The following CNTNAP2 variants were observed in gnomAD, a reference collection of about 807,000 sequenced individuals.
CNTNAP2 encodes contactin-associated protein-like 2.
CNTNAP2 carries 98 observed loss-of-function variants against 155.2 expected under a neutral mutation model. The ratio of observed to expected loss-of-function variants is 0.63; its 90% CI spans 0.54 to 0.75. CNTNAP2 has a LOEUF of 0.75. Among genes scored for constraint, CNTNAP2 ranks in the 30% least tolerant of loss-of-function variants. The pLI is 0.00. For synonymous variants in CNTNAP2, 651 were observed against 631.2 expected, an observed-to-expected ratio of 1.03 and a Z score of -0.47; for missense variants, 1,727 against 1,688.1, an observed-to-expected ratio of 1.02 and a Z score of -0.40.
In CNTNAP2 at chr7:147,068,355, ATTTG is replaced by A. The variant is rs547148845; in HGVS notation, c.550+24313_550+24316del. On this transcript the variant is annotated intron_variant, in intron 4 of 23. Coordinates refer to ENST00000361727, the MANE Select transcript of CNTNAP2 (RefSeq NM_014141.6). ...CATAATAAATTGACTTTATTTATTT[ATTTG>A]TTTGTTTGTTTTTTCCAAGACATAG... 1.4e-3 allele frequency among the ~76,000 whole-genome samples: 219 copies of A among 152,094 alleles called. 2 individuals are homozygous for A. In the Middle Eastern group the frequency reaches 0.021, roughly 14 times the overall value.
intron 11 of CNTNAP2, among the ~76,000 whole-genome samples, chr7:147,526,148 C>A (rs1179049060): frequency 6.6e-6 from 1 of 150,678 alleles, no homozygotes; most frequent in Non-Finnish European, 1.5e-5. Flanking sequence ...GCCGAGATCA[C>A]CCCACTGCAC....
chr7:146,977,470 A>G (rs1226336358), intron 3 of CNTNAP2, among the ~76,000 whole-genome samples: 2 of 152,218 alleles, frequency 1.3e-5, no homozygotes, highest in East Asian at 3.9e-4. Flanking sequence ...GAAGACTCTC[A>G]GGAGGAGTCT....
chr7:147,746,822 C>T (rs944946164), intron 13 of CNTNAP2, among the ~76,000 whole-genome samples: 3 of 152,178 alleles, frequency 2.0e-5, no homozygotes, highest in Non-Finnish European at 4.4e-5. Context: ...AGTTTTACCA[C>T]ACTCTCTGAG....
intron 1 of CNTNAP2, among the ~76,000 whole-genome samples, chr7:146,740,335 T>A (rs968885028): frequency 6.6e-6 from 1 of 151,946 alleles, no homozygotes; most frequent in Non-Finnish European, 1.5e-5. Flanking sequence ...CTCATTTTTT[T>A]ACTTATTATT....
At chr7:148,352,763 C>G (rs1165698855) in intron 21 of CNTNAP2, among the ~76,000 whole-genome samples, 1 of 152,152 alleles carries the variant, frequency 6.6e-6, no homozygotes, top group Admixed American at 6.5e-5. Flanking sequence ...AGAATCAAGG[C>G]AGGAAGCCAG....
chr7:146,290,687 C>T (rs939421002), intron 1 of CNTNAP2, among the ~76,000 whole-genome samples: 11 of 152,076 alleles, frequency 7.2e-5, no homozygotes, highest in Non-Finnish European at 1.3e-4. Flanking sequence ...AAAACTAGAT[C>T]GAAACTGTTT....
intron 3 of CNTNAP2, among the ~76,000 whole-genome samples, chr7:147,030,129 G>A (rs761346289): frequency 1.3e-5 from 2 of 152,188 alleles, no homozygotes; most frequent in Non-Finnish European, 2.9e-5. Flanking sequence ...ATATCTATCT[G>A]CATCAAAAGT....
chr7:146,525,397 T>A (rs1797673627), intron 1 of CNTNAP2, among the ~76,000 whole-genome samples: 1 of 152,172 alleles, frequency 6.6e-6, no homozygotes, highest in Non-Finnish European at 1.5e-5. Context: ...GGGTTTCTAA[T>A]CATAATTCAA....
intron 13 of CNTNAP2, among the ~76,000 whole-genome samples, chr7:147,763,267 A>C (rs1308921107): frequency 8.3e-6 from 1 of 119,994 alleles, no homozygotes; most frequent in Non-Finnish European, 1.6e-5. Flanking sequence ...TCAAAAAAAA[A>C]AAAAGAAAAA....
intron 15 of CNTNAP2, among the ~76,000 whole-genome samples, chr7:148,108,675 G>A (rs1052159428): frequency 6.6e-6 from 1 of 152,138 alleles, no homozygotes; most frequent in Non-Finnish European, 1.5e-5. Flanking sequence ...AGAGGAAGAT[G>A]GTGGGTACAG....
At chr7:147,411,485 A>T (rs886280102) in intron 10 of CNTNAP2, among the ~76,000 whole-genome samples, 1 of 152,200 alleles carries the variant, frequency 6.6e-6, no homozygotes, top group East Asian at 1.9e-4. Flanking sequence ...CTGCACATGT[A>T]AGATGTCTGA....
At chr7:146,397,133 C>T (rs1412952659) in intron 1 of CNTNAP2, among the ~76,000 whole-genome samples, 1 of 152,164 alleles carries the variant, frequency 6.6e-6, no homozygotes, top group African/African-American at 2.4e-5. Context: ...AGGCTTTATG[C>T]TATCTGAAAA....
chr7:146,723,788 T>A (rs1419405861), intron 1 of CNTNAP2, among the ~76,000 whole-genome samples: 1 of 152,204 alleles, frequency 6.6e-6, no homozygotes, highest in Admixed American at 6.5e-5. Flanking sequence ...CTCTATGAAA[T>A]AATAACCAGG....
At chr7:146,914,073 A>T (rs1172319669) in intron 3 of CNTNAP2, among the ~76,000 whole-genome samples, 1 of 152,084 alleles carries the variant, frequency 6.6e-6, no homozygotes, top group Non-Finnish European at 1.5e-5. Flanking sequence ...GTTGCTATGA[A>T]TGCCAATATT....
At chr7:147,273,199 G>A (rs1204116595) in intron 8 of CNTNAP2, among the ~76,000 whole-genome samples, 3 of 152,024 alleles carry the variant, frequency 2.0e-5, no homozygotes, top group Non-Finnish European at 4.4e-5. Context: ...TCACCACTTC[G>A]CGCCGAAATT....
chr7:148,149,926 G>A (rs1244220073), intron 17 of CNTNAP2, among the ~76,000 whole-genome samples: 1 of 152,038 alleles, frequency 6.6e-6, no homozygotes, highest in Admixed American at 6.6e-5. Flanking sequence ...GGAGGCTGAC[G>A]TGATGAGTCA....
chr7:146,734,319 G>T (rs1801575103), intron 1 of CNTNAP2, among the ~76,000 whole-genome samples: 1 of 152,002 alleles, frequency 6.6e-6, no homozygotes, highest in African/African-American at 2.4e-5. Flanking sequence ...AGTTAAAATT[G>T]TTTTCAAAAA....
chr7:146,510,242 T>A (rs1734490375), intron 1 of CNTNAP2, among the ~76,000 whole-genome samples: 1 of 152,208 alleles, frequency 6.6e-6, no homozygotes, highest in African/African-American at 2.4e-5. Flanking sequence ...CTCAAACAGG[T>A]TACATTAAAT....
rs191090048 is a variant in CNTNAP2, at chr7:147,236,377, C to T, written c.1349-63764C>T. On this transcript the variant is annotated intron_variant, in intron 8 of 23. Transcript: ENST00000361727. ...ACTGTGCCTATTCTGCTGTGTGTCA[C>T]CTACTGAGTTTTCATTTCAACAATT... is the stretch of plus-strand genomic sequence containing the variant. Among the ~76,000 whole-genome samples the T allele has an allele frequency of 1.1e-4, 17 of 152,138 alleles. No individual in the cohort carries two copies. The East Asian group carries it at 3.3e-3, about 29-fold the overall frequency.
Sources: allele counts gnomAD v4.1 joint callset (sites outside exome capture counted in the v4.1 genomes callset), GRCh38; gene constraint gnomAD v4.1.1; transcripts MANE v1.5; gene names NCBI Gene and HGNC (gene_info 2026-07-23, HGNC 2026-07-21).